APP: variants seen among roughly 807,000 people sequenced by gnomAD.
APP encodes the protein amyloid-beta precursor protein.
In APP, 31 loss-of-function variants were observed where a neutral mutation model predicts 101.4. The ratio of observed to expected loss-of-function variants is 0.31; its 90% confidence interval spans 0.23 to 0.41. The LOEUF (loss-of-function observed/expected upper bound fraction) is 0.41, where lower values mean the gene tolerates loss of function less well. Among genes scored for constraint, APP ranks in the 10% least tolerant of loss-of-function variants. APP has a pLI of 1.00. For missense variants in APP, 839 were observed against 1,003.7 expected, an observed-to-expected ratio of 0.84 and a Z score of 2.22; for synonymous variants, 366 against 364.4, an observed-to-expected ratio of 1.00 and a Z score of -0.05.
At chr21:26,013,003 CAAAACAAAA>C (rs1315590715) in intron 6 of APP, among the ~76,000 whole-genome samples, 1 of 54,568 alleles carries the variant, frequency 1.8e-5, no homozygotes, top group African/African-American at 4.7e-5. Flanking sequence ...CAAAACAAAA[CAAAACAAAA>C]CAAACAAACA....
At chr21:26,062,814 G>T (rs1329539317) in intron 3 of APP, among the ~76,000 whole-genome samples, 1 of 151,854 alleles carries the variant, frequency 6.6e-6, no homozygotes, top group Non-Finnish European at 1.5e-5. Flanking sequence ...CCAGGCTGGA[G>T]TGCAATGGCA....
chr21:25,963,917 C>A (rs1458955102), intron 11 of APP, among the ~76,000 whole-genome samples: 1 of 152,094 alleles, frequency 6.6e-6, no homozygotes, highest in African/African-American at 2.4e-5. Context: ...TATAAAAGGG[C>A]AAATGATAAT....
At chr21:25,913,762 C>A (rs543050883) in intron 13 of APP, among the ~76,000 whole-genome samples, 1 of 152,276 alleles carries the variant, frequency 6.6e-6, no homozygotes, top group South Asian at 2.1e-4. Context: ...TTATCTTCTT[C>A]CCTGTGACAT....
intron 11 of APP, 46 bp downstream of exon 11, chr21:25,975,024 T>C: frequency 1.2e-6 from 2 of 1,612,602 alleles, no homozygotes; most frequent in South Asian, 1.1e-5. Flanking sequence ...ACCCTTACTG[T>C]CTGTGCTGTG....
intron 5 of APP, among the ~76,000 whole-genome samples, chr21:26,041,724 A>T (rs1401896076): frequency 6.6e-6 from 1 of 151,998 alleles, no homozygotes; most frequent in Non-Finnish European, 1.5e-5. Context: ...TTGGAAACAA[A>T]AACAGACCCC....
intron 11 of APP, among the ~76,000 whole-genome samples, chr21:25,964,484 G>A (rs2146527137): frequency 6.6e-6 from 1 of 152,186 alleles, no homozygotes; most frequent in South Asian, 2.1e-4. Flanking sequence ...TAAATCACTT[G>A]CTCCTAGTTA....
chr21:26,048,300 G>A (rs1331153521), intron 5 of APP, among the ~76,000 whole-genome samples: 6 of 152,108 alleles, frequency 3.9e-5, no homozygotes, highest in Non-Finnish European at 8.8e-5. Flanking sequence ...TCCAGCCTGG[G>A]TGACAGAGCG....
chr21:26,021,865 TGTGGTGGTG>T lies in APP; in HGVS notation c.831_839del (p.Thr278_Thr280del), dbSNP rs527890624. The T allele has an allele frequency of 2.2e-5, 35 of 1,613,176 alleles. No homozygotes were observed. Among genetic ancestry groups the T allele is most frequent in the South Asian group, 4.4e-5 (4 of 90,994 alleles). On this transcript the variant is annotated inframe_deletion, in exon 6 of 18. Coordinates refer to ENST00000346798, the MANE Select transcript of APP (RefSeq NM_000484.4). The stretch of plus-strand genomic sequence containing the variant: ...CTCGAACCACCTCTTCCACAGACTC[TGTGGTGGTG>T]GTGGTGGTGGTGGCAATGCTGGTGG...
chr21:25,898,039 G>A (rs1324182838), intron 15 of APP: 9 of 265,086 alleles, frequency 3.4e-5, no homozygotes, highest in Middle Eastern at 1.3e-3. Context: ...CCTATTATGT[G>A]TCTTTTTCCA....
At chr21:25,933,800 T>A (rs189475492) in intron 13 of APP, 172 of 152,278 alleles carry the variant, frequency 1.1e-3, no homozygotes, top group African/African-American at 3.6e-3. Context: ...TGTTATTATT[T>A]TTTTTTTAAT....
In APP at chr21:26,087,554, G is replaced by A. The variant is rs563092127; in HGVS notation, c.355+2389C>T. The stretch of plus-strand genomic sequence containing the variant: ...CAGAATCTGTTCGGAGGATGAAAGA[G>A]AAATCTGATAATGGTTGATGGCAAA... On this transcript the variant is annotated intron_variant, in intron 3 of 17. Coordinates refer to ENST00000346798, the MANE Select transcript of APP (RefSeq NM_000484.4). Among the ~76,000 whole-genome samples, 11 of 152,342 alleles carry A rather than the reference G, an allele frequency of 7.2e-5. No individual in the cohort carries two copies. In the East Asian group the frequency reaches 2.1e-3, roughly 29 times the overall value.
At chr21:25,973,215 A>G (rs1285931855) in intron 11 of APP, among the ~76,000 whole-genome samples, 1 of 152,184 alleles carries the variant, frequency 6.6e-6, no homozygotes, top group Non-Finnish European at 1.5e-5. Flanking sequence ...GACAAATAGC[A>G]AACAAATATC....
intron 12 of APP, among the ~76,000 whole-genome samples, chr21:25,955,179 C>T (rs1362067632): frequency 6.6e-6 from 1 of 152,088 alleles, no homozygotes; most frequent in Admixed American, 6.6e-5. Context: ...TAAAATTTCA[C>T]ATTTCCTAAG....
intron 1 of APP, among the ~76,000 whole-genome samples, chr21:26,157,679 T>C (rs2063404368): frequency 6.6e-6 from 1 of 152,198 alleles, no homozygotes; most frequent in African/African-American, 2.4e-5. Flanking sequence ...TTAATCACTT[T>C]TAGAATAATT....
intron 3 of APP, among the ~76,000 whole-genome samples, chr21:26,078,979 G>T (rs1304261649): frequency 6.7e-6 from 1 of 148,880 alleles, no homozygotes; most frequent in African/African-American, 2.5e-5. Flanking sequence ...GGAGGCGGAG[G>T]TTGGGGTGAG....
intron 6 of APP, among the ~76,000 whole-genome samples, chr21:26,001,545 C>T (rs1160772123): frequency 6.6e-6 from 1 of 152,246 alleles, no homozygotes; most frequent in Non-Finnish European, 1.5e-5. Context: ...GGGTCTTGCA[C>T]TGCCGCCCAG....
intron 11 of APP, among the ~76,000 whole-genome samples, chr21:25,972,783 A>T (rs1241079590): frequency 6.6e-6 from 1 of 152,138 alleles, no homozygotes; most frequent in Non-Finnish European, 1.5e-5. Context: ...CAGCACCCAA[A>T]ATGATGACTT....
intron 3 of APP, among the ~76,000 whole-genome samples, chr21:26,056,998 G>A (rs2046068696): frequency 6.6e-6 from 1 of 152,168 alleles, no homozygotes; most frequent in African/African-American, 2.4e-5. Flanking sequence ...AACTGGCTTA[G>A]CACGGTTTAT....
chr21:25,910,106 G>A (rs1027985334), intron 14 of APP, among the ~76,000 whole-genome samples: 3 of 151,452 alleles, frequency 2.0e-5, no homozygotes, highest in East Asian at 3.9e-4. Context: ...CATGTTATAA[G>A]GTATATATAT....
Sources: gnomAD v4.1 joint callset for allele counts (sites outside exome capture counted in the v4.1 genomes callset) on GRCh38, gnomAD v4.1.1 for gene constraint, MANE v1.5 for transcripts, NCBI Gene and HGNC (gene_info 2026-07-23, HGNC 2026-07-21) for gene names.